Variants in MTA3 observed in about 807,000 individuals in gnomAD.
MTA3 encodes metastasis associated 1 family member 3.
In MTA3, 34 loss-of-function variants were observed where a neutral mutation model predicts 83.5. The ratio of observed to expected loss-of-function variants is 0.41; its 90% CI spans 0.31 to 0.54. The LOEUF is 0.54. Among genes scored for constraint, MTA3 ranks in the 20% least tolerant of loss-of-function variants. MTA3 has a pLI of 0.33. For synonymous variants in MTA3, 303 were observed against 252.7 expected (o/e 1.20, Z -1.89); for missense variants, 761 against 726.4 (o/e 1.05, Z -0.55).
chr2:42,579,963 A>C (rs2103873678), intron 3 of MTA3, among the ~76,000 whole-genome samples: 1 of 151,786 alleles, frequency 6.6e-6, no homozygotes, highest in Non-Finnish European at 1.5e-5. Context: ...TGGTGAGGGG[A>C]CTAGGTCTTG....
chr2:42,717,681 C>T (rs1201146919), intron 14 of MTA3, among the ~76,000 whole-genome samples: 1 of 152,184 alleles, frequency 6.6e-6, no homozygotes, highest in Non-Finnish European at 1.5e-5. Context: ...TAAATCTCAG[C>T]ACCAATGAAT....
At chr2:42,548,859 A>ATATC (rs1449124929) in intron 2 of MTA3, among the ~76,000 whole-genome samples, 1 of 22,032 alleles carries the variant, frequency 4.5e-5, no homozygotes, top group Non-Finnish European at 6.6e-5. Context: ...ATATATATAT[A>ATATC]ATATATATAT....
chr2:42,590,843 A>T (rs1337092185), intron 3 of MTA3, among the ~76,000 whole-genome samples: 1 of 151,982 alleles, frequency 6.6e-6, no homozygotes, highest in African/African-American at 2.4e-5. Flanking sequence ...CTGCTCTCGA[A>T]TTCCTGACCT....
chr2:42,518,869 G>A (rs1675280174), intron 2 of MTA3, among the ~76,000 whole-genome samples: 1 of 151,970 alleles, frequency 6.6e-6, no homozygotes, highest in South Asian at 2.1e-4. Flanking sequence ...GGGAGGCTGA[G>A]GTGGGAGGAT....
intron 2 of MTA3, among the ~76,000 whole-genome samples, chr2:42,551,638 T>C (rs1251729941): frequency 1.3e-5 from 2 of 152,074 alleles, no homozygotes; most frequent in African/African-American, 4.8e-5. Flanking sequence ...AGGTGTGTTA[T>C]GGAGAGGAAT....
intron 2 of MTA3, among the ~76,000 whole-genome samples, chr2:42,508,354 G>A (rs995239939): frequency 6.6e-6 from 1 of 151,880 alleles, no homozygotes; most frequent in Non-Finnish European, 1.5e-5. Context: ...TTTTCTTTGA[G>A]ACAGTCTTGC....
intron 16 of MTA3, among the ~76,000 whole-genome samples, chr2:42,742,050 G>A (rs1393029941): frequency 6.6e-6 from 1 of 152,144 alleles, no homozygotes; most frequent in Non-Finnish European, 1.5e-5. Flanking sequence ...CTTTGTATAG[G>A]AAATGGGTAT....
chr2:42,663,972 C>G (rs1481245269), intron 8 of MTA3, among the ~76,000 whole-genome samples: 1 of 152,090 alleles, frequency 6.6e-6, no homozygotes, highest in Admixed American at 6.6e-5. Flanking sequence ...CTCAGAGGCT[C>G]AGGAAGTGGT....
chr2:42,494,956 C>A (rs1398171733), exon 1 of MTA3: 2 of 152,388 alleles, frequency 1.3e-5, no homozygotes, highest in Non-Finnish European at 2.9e-5. Flanking sequence ...ACCAGCAATT[C>A]ATTCACCTGA....
At chr2:42,590,222 G>A (rs1680803995) in intron 3 of MTA3, among the ~76,000 whole-genome samples, 1 of 152,090 alleles carries the variant, frequency 6.6e-6, no homozygotes, top group African/African-American at 2.4e-5. Flanking sequence ...TTTGATCCCT[G>A]GTGTTGGAGG....
chr2:42,644,080 A>G (rs893503664), intron 5 of MTA3, 47 bp from the exon 6 acceptor site: 6 of 1,126,634 alleles, frequency 5.3e-6, no homozygotes, highest in Non-Finnish European at 7.8e-6. Flanking sequence ...GCTTTATAAG[A>G]AGTAGAAGGA....
intron 8 of MTA3, among the ~76,000 whole-genome samples, chr2:42,672,428 A>C (rs560035339): frequency 1.3e-5 from 2 of 151,856 alleles, no homozygotes; most frequent in East Asian, 1.9e-4. Flanking sequence ...GGATCACTTG[A>C]GGCTAGGAGT....
chr2:42,540,302 T>C (rs962872278), intron 2 of MTA3, among the ~76,000 whole-genome samples: 6 of 150,596 alleles, frequency 4.0e-5, no homozygotes, highest in African/African-American at 1.5e-4. Flanking sequence ...GCCTCCTGAG[T>C]AGGTAGAACT....
chr2:42,678,290 A>C (rs1691562844), intron 8 of MTA3, among the ~76,000 whole-genome samples: 1 of 152,218 alleles, frequency 6.6e-6, no homozygotes, highest in African/African-American at 2.4e-5. Context: ...GAAATTGTTC[A>C]TGAAATCCCT....
intron 8 of MTA3, among the ~76,000 whole-genome samples, chr2:42,667,218 C>T (rs980546965): frequency 3.9e-5 from 6 of 152,054 alleles, no homozygotes; most frequent in Non-Finnish European, 5.9e-5. Context: ...AGCTGTGATG[C>T]ACTTAAATTT....
At chr2:42,690,240 A>G (rs879938910) in intron 9 of MTA3, among the ~76,000 whole-genome samples, 1 of 152,236 alleles carries the variant, frequency 6.6e-6, no homozygotes, top group African/African-American at 2.4e-5. Flanking sequence ...TAAGCACTTA[A>G]TGGCAGTACA....
At chr2:42,749,930 T>C (rs938581498) in intron 16 of MTA3, among the ~76,000 whole-genome samples, 1 of 152,208 alleles carries the variant, frequency 6.6e-6, no homozygotes. Context: ...CTATGTATGT[T>C]TCATAGATAC....
chr2:42,527,212 A>G (rs1675756782), intron 2 of MTA3, among the ~76,000 whole-genome samples: 1 of 152,236 alleles, frequency 6.6e-6, no homozygotes, highest in South Asian at 2.1e-4. Context: ...CCAACCAATC[A>G]GGCCTCAGCT....
At position 42,707,891 on chromosome 2, in the gene MTA3, C is replaced by G; in HGVS notation, c.1151-12C>G. The G allele has an allele frequency of 6.7e-7, 1 of 1,491,894 alleles. No individual in the cohort carries two copies. The allele number at this position is 1,491,894 out of a possible 1,614,324, so 92.4% of individuals were successfully genotyped here. A position where few individuals can be genotyped will look rare whatever the true frequency, so the allele number is the denominator to read the frequency against. On this transcript the variant is annotated splice_polypyrimidine_tract_variant and intron_variant, in intron 12 of 16. Coordinates refer to ENST00000405094, the MANE Select transcript of MTA3 (RefSeq NM_001330442.2). ...GCATTTTTCGTTTTTTCTTATTTTT[C>G]TTCTGCTTTAGCTACACAGTCTCAC...
Sources: gnomAD v4.1 joint callset for allele counts (sites outside exome capture counted in the v4.1 genomes callset) on GRCh38, gnomAD v4.1.1 for gene constraint, MANE v1.5 for transcripts, NCBI Gene and HGNC (gene_info 2026-07-23, HGNC 2026-07-21) for gene names.